The following UNC79 variants were observed in gnomAD, a reference collection of about 807,000 sequenced individuals.
The protein encoded by UNC79 is unc-79 subunit of NALCN channel complex, also known as protein unc-79 homolog.
UNC79 carries 37 observed loss-of-function variants against 283.1 expected under a neutral mutation model. The ratio of observed to expected loss-of-function variants is 0.13; its 90% CI spans 0.10 to 0.17. The LOEUF (loss-of-function observed/expected upper bound fraction) is 0.17, where lower values mean the gene tolerates loss of function less well. UNC79 is among the 10% of genes least tolerant of loss of function. The pLI, the probability that UNC79 is intolerant of heterozygous loss-of-function variation, is 1.00. For synonymous variants in UNC79, 1,107 were observed against 1,200.2 expected, an observed-to-expected ratio of 0.92 and a Z score of 1.61; for missense variants, 2,272 against 3,211.1, an observed-to-expected ratio of 0.71 and a Z score of 7.07.
intron 23 of UNC79, among the ~76,000 whole-genome samples, chr14:93,594,898 T>A (rs2064956998): frequency 6.6e-6 from 1 of 152,182 alleles, no homozygotes; most frequent in Non-Finnish European, 1.5e-5. Context: ...GTGAGGTAAC[T>A]ATTATACCTT....
intron 47 of UNC79, among the ~76,000 whole-genome samples, chr14:93,701,967 C>A (rs547172490): frequency 6.6e-6 from 1 of 152,292 alleles, no homozygotes; most frequent in African/African-American, 2.4e-5. Flanking sequence ...TACTCCCTGA[C>A]CCTACTCTTC....
chr14:93,660,743 A>G (rs1034003033), intron 39 of UNC79, among the ~76,000 whole-genome samples: 6 of 151,364 alleles, frequency 4.0e-5, no homozygotes, highest in Admixed American at 1.3e-4. Context: ...GGCATGCACC[A>G]TACACCTGGC....
At chr14:93,602,226 AC>A (rs946639933) in intron 25 of UNC79, among the ~76,000 whole-genome samples, 1 of 152,162 alleles carries the variant, frequency 6.6e-6, no homozygotes, top group African/African-American at 2.4e-5. Context: ...TAGAATTTTT[AC>A]GGTTTCAGAT....
At chr14:93,572,079 A>T in exon 15 of UNC79, 1 of 1,613,576 alleles carries the variant, frequency 6.2e-7, no homozygotes, top group Middle Eastern at 1.7e-4. Flanking sequence ...TCAGGGAAGT[A>T]TTAAGGTGGG....
chr14:93,566,037 A>G (rs986456162), intron 14 of UNC79, among the ~76,000 whole-genome samples: 3 of 152,124 alleles, frequency 2.0e-5, no homozygotes, highest in Non-Finnish European at 4.4e-5. Context: ...CATAGCTTAG[A>G]GGGGTGGCAA....
intron 1 of UNC79, among the ~76,000 whole-genome samples, chr14:93,356,732 A>T (rs1182454672): frequency 6.6e-6 from 1 of 152,194 alleles, no homozygotes; most frequent in East Asian, 1.9e-4. Flanking sequence ...ATATTTAAAA[A>T]ATTTTTTTGC....
intron 20 of UNC79, among the ~76,000 whole-genome samples, chr14:93,584,064 C>A (rs1445190049): frequency 6.6e-6 from 1 of 152,146 alleles, no homozygotes; most frequent in East Asian, 1.9e-4. Context: ...GTCTCGGCCT[C>A]CCAAAGAGCT....
intron 30 of UNC79, among the ~76,000 whole-genome samples, chr14:93,625,788 A>G (rs774882757): frequency 3.3e-5 from 5 of 152,214 alleles, no homozygotes; most frequent in Non-Finnish European, 5.9e-5. Context: ...TTGCTTGGCT[A>G]AACACAACCT....
rs768594597 is a variant in UNC79, at chr14:93,622,884, T to G, written c.5608+43T>G. ...CTTTCTCTCAGCCTTAACTTTAAGT[T>G]TGTGCATCTTGTTTGATAGGGTACC... On this transcript the variant is annotated intron_variant, in intron 30 of 48. Transcript: ENST00000555664. The G allele has an allele frequency of 1.3e-5, 21 of 1,581,652 alleles. No homozygotes were observed. In the Middle Eastern group the frequency reaches 7.7e-4, roughly 58 times the overall value.
At chr14:93,468,637 C>T (rs2057340054) in intron 2 of UNC79, among the ~76,000 whole-genome samples, 1 of 152,222 alleles carries the variant, frequency 6.6e-6, no homozygotes, top group Non-Finnish European at 1.5e-5. Flanking sequence ...ACTAGTGGCA[C>T]TGGAGTTTCT....
intron 5 of UNC79, among the ~76,000 whole-genome samples, chr14:93,493,901 A>ATATATTTTTTTT (rs1251701550): frequency 8.1e-5 from 4 of 49,248 alleles, no homozygotes; most frequent in East Asian, 7.5e-4. Context: ...ATATATATAT[A>ATATATTTTTTTT]TTTTTTTTTT....
intron 14 of UNC79, among the ~76,000 whole-genome samples, chr14:93,571,671 C>G (rs746509397): frequency 6.6e-6 from 1 of 152,128 alleles, no homozygotes; most frequent in Non-Finnish European, 1.5e-5. Flanking sequence ...CATCTGTAAT[C>G]AATATTTGAG....
exon 27 of UNC79, chr14:93,612,968 A>G: frequency 6.2e-7 from 1 of 1,614,182 alleles, no homozygotes; most frequent in Non-Finnish European, 8.5e-7. Context: ...AACACGGTCA[A>G]GCGACACCTG....
At chr14:93,698,781 C>T (rs1237985036) in intron 47 of UNC79, among the ~76,000 whole-genome samples, 1 of 152,092 alleles carries the variant, frequency 6.6e-6, no homozygotes, top group African/African-American at 2.4e-5. Context: ...CCACCGTGCT[C>T]AGGCTGAAAA....
intron 4 of UNC79, among the ~76,000 whole-genome samples, chr14:93,485,350 G>A (rs2058364694): frequency 6.6e-6 from 1 of 151,492 alleles, no homozygotes; most frequent in Non-Finnish European, 1.5e-5. Flanking sequence ...TCCTGCACCT[G>A]GACACCTTAC....
intron 23 of UNC79, among the ~76,000 whole-genome samples, chr14:93,596,517 C>A (rs1212200818): frequency 6.6e-6 from 1 of 152,164 alleles, no homozygotes; most frequent in Admixed American, 6.5e-5. Context: ...TGCCTGTAAT[C>A]CCAGCTACTT....
chr14:93,461,135 T>C (rs189458805), intron 1 of UNC79, among the ~76,000 whole-genome samples: 1 of 152,352 alleles, frequency 6.6e-6, no homozygotes, highest in Admixed American at 6.5e-5. Context: ...TGCCAAAATG[T>C]TAACTACAGT....
At chr14:93,533,109 C>G (rs1268504636) in intron 11 of UNC79, among the ~76,000 whole-genome samples, 1 of 152,018 alleles carries the variant, frequency 6.6e-6, no homozygotes, top group Non-Finnish European at 1.5e-5. Flanking sequence ...CCACCTCCAT[C>G]TTCTCTTCTT....
intron 1 of UNC79, among the ~76,000 whole-genome samples, chr14:93,353,576 A>G (rs2054021509): frequency 6.6e-6 from 1 of 152,136 alleles, no homozygotes; most frequent in African/African-American, 2.4e-5. Context: ...TCCCATATCA[A>G]TCACCCTGTC....
Sources: allele counts gnomAD v4.1 joint callset (sites outside exome capture counted in the v4.1 genomes callset), GRCh38; gene constraint gnomAD v4.1.1; transcripts MANE v1.5; gene names NCBI Gene and HGNC (gene_info 2026-07-23, HGNC 2026-07-21).